The following TOP2B variants were observed in gnomAD, a reference collection of about 807,000 sequenced individuals.
TOP2B encodes DNA topoisomerase II beta.
Under a neutral mutation model 193.5 loss-of-function variants are expected in TOP2B, and 51 were observed. The observed-to-expected ratio is 0.26, with a 90% CI of 0.21 to 0.33. The LOEUF (loss-of-function observed/expected upper bound fraction) is 0.33. TOP2B is among the 10% of genes least tolerant of loss of function. The pLI, the probability that TOP2B is intolerant of heterozygous loss-of-function variation, is 1.00. For missense variants in TOP2B, 1,378 were observed against 1,909.3 expected, an observed-to-expected ratio of 0.72 and a Z score of 5.19; for synonymous variants, 634 against 635.7, an observed-to-expected ratio of 1.00 and a Z score of 0.04.
At position 25,645,434 on chromosome 3, in the gene TOP2B, C is replaced by T. The variant is rs1703389145; in HGVS notation, c.106G>A (p.Glu36Lys). The T allele has an allele frequency of 6.2e-7, 1 of 1,613,306 alleles. No individual in the cohort carries two copies. The highest frequency in any genetic ancestry group is 1.3e-5 in the African/African-American group (1 of 74,884). Residue 36 changes from glutamate to lysine, a missense_variant, in exon 2 of 36, where the codon GAG (glutamate) becomes AAG (lysine). Coordinates refer to ENST00000264331, the MANE Select transcript of TOP2B (RefSeq NM_001330700.2). ...TCATTTTTGTTGGCAGTTTCTGACT[C>T]TTCTTTTTTTGCAGCATTGTTCTGA... ...FDQNNAAKKE[E>K]SETANKNDSS...
At position 25,609,314 on chromosome 3, in the gene TOP2B, G is replaced by C. The variant is rs756849814; in HGVS notation, c.3962C>G (p.Ser1321Cys). The change falls in exon 30 of 36, where the codon TCT becomes TGT. Residue 1321 changes from serine to cysteine, a missense_variant. By Grantham distance (112) the Ser-to-Cys change is moderately radical (BLOSUM62 -1). Transcript: ENST00000264331. ...CACTTTCTTTGCACTAGGTTTACCAGATGATGTAGGTGTTTTTCTCACTCT... is the reference window on the plus strand; with the variant it reads ...CACTTTCTTTGCACTAGGTTTACCACATGATGTAGGTGTTTTTCTCACTCT... ...GTRVRKTPTS[S>C]GKPSAKKVKK... The C allele has an allele frequency of 3.1e-5, 50 of 1,596,908 alleles. No individual in the cohort carries two copies. The highest frequency in any genetic ancestry group is 1.0e-4 in the Admixed American group (6 of 57,862).
intron 7 of TOP2B, among the ~76,000 whole-genome samples, chr3:25,634,390 T>A (rs1243802872): frequency 5.3e-5 from 8 of 152,076 alleles, no homozygotes; most frequent in Non-Finnish European, 8.8e-5. Flanking sequence ...AATGGGTTTT[T>A]CATGAACCCA....
chr3:25,627,085 A>C, intron 16 of TOP2B, 102 bp downstream of exon 16: 2 of 853,430 alleles, frequency 2.3e-6, no homozygotes, highest in East Asian at 4.9e-5. Flanking sequence ...AACTAGCTTG[A>C]GCATTCAAAA....
intron 21 of TOP2B, among the ~76,000 whole-genome samples, chr3:25,621,842 A>G (rs1258346883): frequency 2.0e-5 from 3 of 152,094 alleles, no homozygotes; most frequent in Non-Finnish European, 4.4e-5. Flanking sequence ...TACAAAAATT[A>G]GACAGGCATG....
At chr3:25,651,165 A>C (rs907113278) in intron 1 of TOP2B, among the ~76,000 whole-genome samples, 2 of 152,216 alleles carry the variant, frequency 1.3e-5, no homozygotes, top group African/African-American at 4.8e-5. Context: ...ACAGTAATAC[A>C]GATCACTTAA....
chr3:25,653,396 T>C (rs576316359), intron 1 of TOP2B, among the ~76,000 whole-genome samples: 4 of 151,862 alleles, frequency 2.6e-5, no homozygotes, highest in East Asian at 1.9e-4. Flanking sequence ...CTCAATTCAA[T>C]AGCACTTTTT....
intron 1 of TOP2B, among the ~76,000 whole-genome samples, chr3:25,651,482 A>C (rs1703588014): frequency 6.6e-6 from 1 of 152,052 alleles, no homozygotes; most frequent in South Asian, 2.1e-4. Flanking sequence ...AAAAGAAGGC[A>C]GCAAGGGAAG....
intron 7 of TOP2B, among the ~76,000 whole-genome samples, chr3:25,635,471 G>A (rs1242179537): frequency 2.0e-5 from 3 of 152,068 alleles, no homozygotes; most frequent in Non-Finnish European, 1.5e-5. Context: ...AGTATCTAAT[G>A]GAAAATGTAG....
rs766056779 is a variant in TOP2B, at chr3:25,601,123, G to C, written c.4592C>G (p.Pro1531Arg). Residue 1531 changes from proline to arginine, a missense_variant, in exon 34 of 36, where the codon CCA becomes CGA. By Grantham distance (103) the Pro-to-Arg change is moderately radical (BLOSUM62 -2). This residue lies in a region of TOP2B where 556 missense variants were observed against 584.2 expected (regional missense o/e 0.95). Transcript: ENST00000264331. ...NSDSDSEFGI[P>R]KKTTTPKGKG... ...ACCTTTTGGTGTTGTAGTCTTCTTT[G>C]GAATGCCAAATTCTGAATCCGAGTC... is the stretch of plus-strand genomic sequence containing the variant. The C allele has an allele frequency of 6.2e-7, 1 of 1,613,664 alleles. No individual in the cohort carries two copies. Among genetic ancestry groups the C allele is most frequent in the Non-Finnish European group, 8.5e-7 (1 of 1,179,728 alleles).
intron 7 of TOP2B, among the ~76,000 whole-genome samples, chr3:25,634,791 A>AGAAC (rs1553642259): frequency 7.2e-6 from 1 of 138,432 alleles, no homozygotes; most frequent in African/African-American, 2.7e-5. Flanking sequence ...AAAAAAAAAA[A>AGAAC]AAAAAACCAA....
In TOP2B at chr3:25,611,319, G is replaced by A. The variant is rs116706745; in HGVS notation, c.3786+1196C>T. On this transcript the variant is annotated intron_variant, in intron 28 of 35. Coordinates refer to ENST00000264331, the MANE Select transcript of TOP2B (RefSeq NM_001330700.2). The stretch of plus-strand genomic sequence containing the variant: ...ATCTGGGTAAATGAACCTGTGTGCC[G>A]TGGGGAGCCAAGTAAGAGGAAAGTA... Among the ~76,000 whole-genome samples the A allele has an allele frequency of 3.4e-3, 512 of 152,274 alleles. 3 individuals are homozygous for A. The highest frequency in any genetic ancestry group is 0.017 in the Middle Eastern group (5 of 294).
At position 25,612,642 on chromosome 3, in the gene TOP2B, A is replaced by G; in HGVS notation, c.3659T>C (p.Val1220Ala). The G allele has an allele frequency of 6.2e-7, 1 of 1,613,710 alleles. No homozygotes were observed. Among genetic ancestry groups the G allele is most frequent in the Non-Finnish European group, 8.5e-7 (1 of 1,179,748 alleles). The change falls in exon 28 of 36, where the codon GTT becomes GCT. Residue 1220 changes from valine to alanine, a missense_variant. Around this residue, in one of 9 missense-constraint regions of TOP2B, gnomAD observed 556 missense variants for 584.2 expected, o/e 0.95. Transcript: ENST00000264331. ...GMSGKAIKGK[V>A]GKPKVKKLQL... ...GAGTTTCTTCACCTTAGGTTTGCCA[A>G]CTTTACCTTTAATTGCTTTTCCAGA...
chr3:25,657,698 A>G (rs952876440), intron 1 of TOP2B, among the ~76,000 whole-genome samples: 5 of 152,188 alleles, frequency 3.3e-5, no homozygotes, highest in Non-Finnish European at 7.3e-5. Flanking sequence ...CAGTAATAAG[A>G]TATCATGTTC....
At chr3:25,616,484 C>T (rs79135073) in intron 25 of TOP2B, among the ~76,000 whole-genome samples, 13 of 149,230 alleles carry the variant, frequency 8.7e-5, no homozygotes, top group Non-Finnish European at 1.5e-4. Flanking sequence ...GTACAGTTTA[C>T]GTGTACTTCA....
In TOP2B at chr3:25,632,805, A is replaced by G; in HGVS notation, c.1027-11T>C. 6.2e-7 allele frequency: 1 copy of G among 1,604,042 alleles called. No individual in the cohort carries two copies. Among genetic ancestry groups the G allele is most frequent in the Non-Finnish European group, 8.5e-7 (1 of 1,173,080 alleles). On this transcript the variant is annotated splice_polypyrimidine_tract_variant and intron_variant, in intron 8 of 35. Coordinates refer to ENST00000264331, the MANE Select transcript of TOP2B (RefSeq NM_001330700.2). ...CACGTGCCGTCCACCCTAAAGAAAA[A>G]AAAATATATGAAATCTGAAATCCTG... is the stretch of plus-strand genomic sequence containing the variant.
intron 10 of TOP2B, 94 bp downstream of exon 10, chr3:25,632,352 C>G: frequency 9.0e-7 from 1 of 1,107,694 alleles, no homozygotes; most frequent in Non-Finnish European, 1.3e-6. Context: ...ACAGTTAATA[C>G]GATGAAAGAA....
chr3:25,654,356 C>T (rs1703684615), intron 1 of TOP2B, among the ~76,000 whole-genome samples: 1 of 151,940 alleles, frequency 6.6e-6, no homozygotes, highest in Non-Finnish European at 1.5e-5. Flanking sequence ...AAAGGATAAA[C>T]TACCACAGAG....
intron 1 of TOP2B, 88 bp downstream of exon 1, chr3:25,664,141 C>T: frequency 6.6e-7 from 1 of 1,514,350 alleles, no homozygotes; most frequent in African/African-American, 1.4e-5. Context: ...GATTTCCCTC[C>T]CTTTCCCCTC....
In TOP2B at chr3:25,664,849, AGCCGCCGCC is replaced by A. The variant is rs531285869; in HGVS notation, c.-561_-553del. The A allele has an allele frequency of 7.1e-6, 7 of 989,540 alleles. No individual in the cohort carries two copies. The highest frequency in any genetic ancestry group is 2.3e-4 in the East Asian group (2 of 8,696). 61.3% of individuals were successfully genotyped at this position (989,540 alleles called of 1,614,324 possible). A position where few individuals can be genotyped will look rare whatever the true frequency, so the allele number is the denominator to read the frequency against. On this transcript the variant is annotated 5_prime_UTR_variant, in exon 1 of 36. Coordinates refer to ENST00000264331, the MANE Select transcript of TOP2B (RefSeq NM_001330700.2). The stretch of plus-strand genomic sequence containing the variant: ...ACACACCGAGAGGGACAATAAACAG[AGCCGCCGCC>A]GCCGCCGCCACGGTCACCTCCCTCT...
Sources: allele counts gnomAD v4.1 joint callset (sites outside exome capture counted in the v4.1 genomes callset), GRCh38; gene constraint gnomAD v4.1.1; regional missense constraint gnomAD v4.1.1; transcripts MANE v1.5; gene names NCBI Gene and HGNC (gene_info 2026-07-23, HGNC 2026-07-21).